CHN1: variants seen among roughly 807,000 people sequenced by gnomAD.
CHN1 encodes the protein chimerin 1.
Under a neutral mutation model 59.5 loss-of-function variants are expected in CHN1, and 37 were observed. The observed-to-expected ratio is 0.62, with a 90% CI of 0.48 to 0.82. CHN1 has a LOEUF of 0.82. Among genes scored for constraint, CHN1 ranks in the 40% least tolerant of loss-of-function variants. CHN1 has a pLI of 0.00. For synonymous variants in CHN1, 206 were observed against 200.4 expected, an observed-to-expected ratio of 1.03 and a Z score of -0.24; for missense variants, 469 against 571.0, an observed-to-expected ratio of 0.82 and a Z score of 1.82.
rs571862494 is a variant in CHN1, at chr2:174,973,791, T to C, written c.20-21589A>G. 3.3e-5 allele frequency among the ~76,000 whole-genome samples: 5 copies of C among 152,316 alleles called. No individual in the cohort carries two copies. The South Asian group carries it at 6.2e-4, about 19-fold the overall frequency. The stretch of plus-strand genomic sequence containing the variant: ...GTGAGTCTGACCCAGGGCACGTCAA[T>C]TGGACAAATGAATATTAGCTATTGT... On this transcript the variant is annotated intron_variant, in intron 1 of 12. Coordinates refer to ENST00000409900, the MANE Select transcript of CHN1 (RefSeq NM_001822.7).
chr2:175,003,952 G>A (rs1056543270), intron 1 of CHN1, among the ~76,000 whole-genome samples: 5 of 152,170 alleles, frequency 3.3e-5, no homozygotes, highest in African/African-American at 1.2e-4. Context: ...CACCTCTAAC[G>A]TGTTTGATCA....
At chr2:174,938,784 T>G (rs1689574651) in intron 3 of CHN1, among the ~76,000 whole-genome samples, 1 of 152,126 alleles carries the variant, frequency 6.6e-6, no homozygotes, top group African/African-American at 2.4e-5. Context: ...CAGTAAATCC[T>G]TTCATTCTGA....
chr2:174,848,264 T>C lies in CHN1; in HGVS notation c.550-1307A>G, dbSNP rs557863088. On this transcript the variant is annotated intron_variant, in intron 6 of 12. Transcript: ENST00000409900. The stretch of plus-strand genomic sequence containing the variant: ...GAGGCCAGGTCATAGTGGAAGCCAG[T>C]TGGGAATAATTCCTTATTTGCACAG... Among the ~76,000 whole-genome samples the C allele has an allele frequency of 3.9e-5, 6 of 152,270 alleles. No individual in the cohort carries two copies. The South Asian group carries it at 8.3e-4, about 21-fold the overall frequency.
chr2:174,952,293 G>T, intron 1 of CHN1, 91 bp from the exon 2 acceptor site: 1 of 814,212 alleles, frequency 1.2e-6, no homozygotes, highest in Non-Finnish European at 1.8e-6. Flanking sequence ...TATATCTGTT[G>T]AGATCTATTT....
At chr2:174,833,393 A>C (rs1434397393) in intron 7 of CHN1, among the ~76,000 whole-genome samples, 3 of 152,212 alleles carry the variant, frequency 2.0e-5, no homozygotes, top group Non-Finnish European at 4.4e-5. Context: ...CTACATATAC[A>C]TATTATTTGC....
At chr2:174,880,867 G>A (rs974195454) in intron 5 of CHN1, among the ~76,000 whole-genome samples, 1 of 152,106 alleles carries the variant, frequency 6.6e-6, no homozygotes, top group African/African-American at 2.4e-5. Context: ...AACCAACATG[G>A]AGAAACCTGT....
rs1193524821 is a variant in CHN1 at position 174,838,974 on chromosome 2, G to C, written c.627+7906C>G. Among the ~76,000 whole-genome samples the C allele has an allele frequency of 2.6e-5, 4 of 151,428 alleles. No individual in the cohort carries two copies. The East Asian group carries it at 7.8e-4, about 29-fold the overall frequency. ...GGAAGTTGCAGTGAGCTGAGATTGT[G>C]CCACTGCACTCCAGCCTCGGCGACA... On this transcript the variant is annotated intron_variant, in intron 7 of 12. Coordinates refer to ENST00000409900, the MANE Select transcript of CHN1 (RefSeq NM_001822.7).
intron 4 of CHN1, among the ~76,000 whole-genome samples, chr2:174,917,642 C>T (rs1449276521): frequency 6.6e-6 from 1 of 151,808 alleles, no homozygotes; most frequent in Non-Finnish European, 1.5e-5. Flanking sequence ...TCTATTATAC[C>T]AAAAGCAGAA....
intron 6 of CHN1, among the ~76,000 whole-genome samples, chr2:174,876,245 A>G (rs187875368): frequency 6.6e-6 from 1 of 152,358 alleles, no homozygotes; most frequent in East Asian, 1.9e-4. Flanking sequence ...GTCTTTAGCT[A>G]AAGTCCCTTG....
intron 3 of CHN1, among the ~76,000 whole-genome samples, chr2:174,920,016 A>G (rs1688963826): frequency 6.6e-6 from 1 of 152,182 alleles, no homozygotes; most frequent in Non-Finnish European, 1.5e-5. Flanking sequence ...CAACATGTTT[A>G]GATTCCACAA....
At chr2:174,917,784 G>A (rs1688888936) in intron 4 of CHN1, among the ~76,000 whole-genome samples, 1 of 151,932 alleles carries the variant, frequency 6.6e-6, no homozygotes, top group Non-Finnish European at 1.5e-5. Context: ...TATTTATAAT[G>A]TATACTTTTA....
At chr2:174,826,161 G>C (rs1053668691) in intron 7 of CHN1, among the ~76,000 whole-genome samples, 1 of 152,162 alleles carries the variant, frequency 6.6e-6, no homozygotes, top group Non-Finnish European at 1.5e-5. Context: ...GTTTTATGGA[G>C]GAGGGTCAGG....
chr2:174,987,590 C>T (rs1422807999), intron 1 of CHN1, among the ~76,000 whole-genome samples: 1 of 151,702 alleles, frequency 6.6e-6, no homozygotes, highest in Non-Finnish European at 1.5e-5. Flanking sequence ...TGTATTAGCC[C>T]GCCACCAGCT....
chr2:174,805,989 C>A (rs1684873908), intron 11 of CHN1, among the ~76,000 whole-genome samples: 1 of 152,170 alleles, frequency 6.6e-6, no homozygotes, highest in African/African-American at 2.4e-5. Flanking sequence ...GAAGATTTCT[C>A]CCCTCATTAC....
intron 1 of CHN1, among the ~76,000 whole-genome samples, chr2:174,954,711 T>C (rs1270582822): frequency 6.6e-6 from 1 of 152,148 alleles, no homozygotes; most frequent in African/African-American, 2.4e-5. Context: ...TCACTAATTA[T>C]CAGGGAAATG....
chr2:174,965,307 T>C (rs1690560402), intron 1 of CHN1, among the ~76,000 whole-genome samples: 1 of 152,124 alleles, frequency 6.6e-6, no homozygotes. Flanking sequence ...TTATTATATA[T>C]TCTTTTTGTA....
chr2:174,869,813 CA>C, intron 6 of CHN1, among the ~76,000 whole-genome samples: 1 of 152,250 alleles, frequency 6.6e-6, no homozygotes, highest in African/African-American at 2.4e-5. Context: ...AGCCCAAAGC[CA>C]TTCTAAAGTT....
At chr2:174,813,768 C>T (rs1187334126) in intron 8 of CHN1, among the ~76,000 whole-genome samples, 1 of 152,168 alleles carries the variant, frequency 6.6e-6, no homozygotes, top group Non-Finnish European at 1.5e-5. Flanking sequence ...TGATTTATAG[C>T]CAGGTCTTAG....
chr2:174,863,284 G>A (rs1395343976), intron 6 of CHN1, among the ~76,000 whole-genome samples: 1 of 152,136 alleles, frequency 6.6e-6, no homozygotes. Flanking sequence ...ATAGACCAAT[G>A]GGTTTCAGTG....
Sources: gnomAD v4.1 joint callset for allele counts (sites outside exome capture counted in the v4.1 genomes callset) on GRCh38, gnomAD v4.1.1 for gene constraint, MANE v1.5 for transcripts, NCBI Gene and HGNC (gene_info 2026-07-23, HGNC 2026-07-21) for gene names.